Variants in SMU1 observed in about 807,000 individuals in gnomAD.
SMU1 encodes the protein SMU1 DNA replication regulator and spliceosomal factor, also known as WD40 repeat-containing protein SMU1.
A neutral mutation model predicts 62.0 loss-of-function variants in SMU1; 2 were observed. The ratio of observed to expected loss-of-function variants is 0.03; its 90% CI spans 0.01 to 0.10. The LOEUF (loss-of-function observed/expected upper bound fraction) is 0.10. SMU1 is among the 10% of genes least tolerant of loss of function. The pLI is 1.00. For missense variants in SMU1, 227 were observed against 622.1 expected (o/e 0.36, Z 6.76); for synonymous variants, 188 against 212.4 (o/e 0.89, Z 1.00).
In SMU1 at chr9:33,071,869, G is replaced by A. The variant is rs1213890526; in HGVS notation, c.261C>T (p.Leu87=). 6.3e-7 allele frequency: 1 copy of A among 1,580,148 alleles called. No individual in the cohort carries two copies. The highest frequency in any genetic ancestry group is 8.6e-7 in the Non-Finnish European group (1 of 1,168,220). ...GTGACCTGGCAGCACCCAATTCACG[G>A]AGCTCTATCAATTCCAGAACAACCT... ...YEQVVLELIE[L]RELGAARSLL... The change falls in exon 3 of 12, where the codon CTC becomes CTT. Residue 87 remains leucine (L), a synonymous_variant. Transcript: ENST00000397149.
chr9:33,072,286 A>G (rs961961090), intron 2 of SMU1, among the ~76,000 whole-genome samples: 1 of 151,682 alleles, frequency 6.6e-6, no homozygotes, highest in Non-Finnish European at 1.5e-5. Context: ...GCAGTGAGCC[A>G]AGCTCATGCT....
chr9:33,064,949 G>A lies in SMU1; in HGVS notation c.502-2772C>T, dbSNP rs374295071. On this transcript the variant is annotated intron_variant, in intron 4 of 11. Coordinates refer to ENST00000397149, the MANE Select transcript of SMU1 (RefSeq NM_018225.3). ...GTAGACACAAGGTTTCGCCACGTTG[G>A]CCAGGCTGGTCTCCAACTCCTGACC... 9.2e-5 allele frequency among the ~76,000 whole-genome samples: 14 copies of A among 152,186 alleles called. No homozygotes were observed. In the East Asian group the frequency reaches 1.7e-3, roughly 19 times the overall value.
In SMU1 at chr9:33,057,737, T is replaced by C. The variant is rs753973624; in HGVS notation, c.751-23A>G. ...ATCCTAAAGAAACAATGGTTAGCAG[T>C]TATCAAAATAACACAAAGCCAAGAC... On this transcript the variant is annotated intron_variant, in intron 6 of 11. Coordinates refer to ENST00000397149, the MANE Select transcript of SMU1 (RefSeq NM_018225.3). 3 of 1,612,232 alleles carry C rather than the reference T, an allele frequency of 1.9e-6. No individual in the cohort carries two copies. The African/African-American group carries it at 4.0e-5, about 22-fold the overall frequency.
intron 4 of SMU1, among the ~76,000 whole-genome samples, chr9:33,066,505 TA>T (rs35501819): frequency 3.9e-4 from 39 of 100,116 alleles, no homozygotes; most frequent in Admixed American, 1.1e-3. Flanking sequence ...TCCATTTAAT[TA>T]AAAAAAAAAA....
intron 3 of SMU1, among the ~76,000 whole-genome samples, chr9:33,069,487 C>T (rs190440557): frequency 1.3e-5 from 2 of 152,306 alleles, no homozygotes; most frequent in East Asian, 3.9e-4. Flanking sequence ...TTGCAAACTA[C>T]CCATCTGACA....
intron 4 of SMU1, among the ~76,000 whole-genome samples, chr9:33,064,587 T>A (rs774761943): frequency 1.2e-4 from 19 of 152,140 alleles, no homozygotes; most frequent in Non-Finnish European, 2.1e-4. Flanking sequence ...CAGAATTGGG[T>A]TTTTGCACTG....
chr9:33,059,923 T>G (rs993770338), intron 6 of SMU1, among the ~76,000 whole-genome samples: 2 of 152,042 alleles, frequency 1.3e-5, no homozygotes, highest in Non-Finnish European at 1.5e-5. Context: ...GAAAAAAAAT[T>G]TTTTACTTGT....
chr9:33,047,831 C>G (rs1327088647), intron 11 of SMU1, among the ~76,000 whole-genome samples: 2 of 151,990 alleles, frequency 1.3e-5, no homozygotes, highest in Non-Finnish European at 2.9e-5. Flanking sequence ...TGCACTCCAG[C>G]CTGGGTGACA....
intron 9 of SMU1, among the ~76,000 whole-genome samples, chr9:33,055,312 G>A (rs2119429282): frequency 6.6e-6 from 1 of 152,204 alleles, no homozygotes; most frequent in East Asian, 1.9e-4. Flanking sequence ...AAGTAGCTAG[G>A]AATACAGGTA....
intron 1 of SMU1, among the ~76,000 whole-genome samples, chr9:33,076,361 C>T (rs1232090190): frequency 1.3e-5 from 2 of 152,204 alleles, no homozygotes; most frequent in Non-Finnish European, 2.9e-5. Flanking sequence ...GTTTTCCCCA[C>T]CCGTGCCACC....
chr9:33,070,815 A>G (rs542245632), intron 3 of SMU1, among the ~76,000 whole-genome samples: 1 of 152,330 alleles, frequency 6.6e-6, no homozygotes, highest in South Asian at 2.1e-4. Context: ...TATTTGCAGG[A>G]ACTAAAAATT....
intron 3 of SMU1, among the ~76,000 whole-genome samples, chr9:33,070,428 T>C (rs1354511859): frequency 6.6e-6 from 1 of 152,222 alleles, no homozygotes; most frequent in Non-Finnish European, 1.5e-5. Context: ...TCGTACACTA[T>C]TAGTGGGAAT....
chr9:33,063,626 T>G (rs955684608), intron 4 of SMU1, among the ~76,000 whole-genome samples: 1 of 151,958 alleles, frequency 6.6e-6, no homozygotes, highest in African/African-American at 2.4e-5. Context: ...CATTACAGTC[T>G]GAGCTCCACC....
intron 4 of SMU1, among the ~76,000 whole-genome samples, chr9:33,064,174 G>A (rs1839394114): frequency 6.6e-6 from 1 of 151,998 alleles, no homozygotes; most frequent in African/African-American, 2.4e-5. Flanking sequence ...ACAACTCACT[G>A]CAGCCTTGAA....
intron 1 of SMU1, among the ~76,000 whole-genome samples, chr9:33,075,795 T>A (rs1440907392): frequency 6.6e-6 from 1 of 152,210 alleles, no homozygotes; most frequent in Non-Finnish European, 1.5e-5. Flanking sequence ...TTTTTATGTC[T>A]GTTAATTTAA....
At chr9:33,074,796 A>T (rs1030382636) in intron 1 of SMU1, among the ~76,000 whole-genome samples, 2 of 147,044 alleles carry the variant, frequency 1.4e-5, no homozygotes, top group East Asian at 4.1e-4. Context: ...TTTTTGAGAA[A>T]TGGTCACTTG....
chr9:33,053,089 A>AGAAC (rs768699097), intron 10 of SMU1, 34 bp downstream of exon 10: 1,021 of 1,599,278 alleles, frequency 6.4e-4, no homozygotes, highest in Non-Finnish European at 8.2e-4. Flanking sequence ...AATGGCCCAC[A>AGAAC]GTTCCTGTGC....
At chr9:33,060,654 C>G (rs1839351891) in intron 5 of SMU1, 70 bp from the exon 6 acceptor site, 19 of 1,587,164 alleles carry the variant, frequency 1.2e-5, no homozygotes, top group African/African-American at 1.4e-5. Context: ...CTTTTTTAAC[C>G]TTTTGAGAAA....
At position 33,057,021 on chromosome 9, in the gene SMU1, A is replaced by G. The variant is rs1291738499; in HGVS notation, c.868-57T>C. ...AACCTTGTTAAGTGTCCTACTATTA[A>G]TAGCCCACAGAGCCAAGCAAGATGC... On this transcript the variant is annotated intron_variant, in intron 7 of 11. Transcript: ENST00000397149. 1.8e-5 allele frequency: 29 copies of G among 1,568,968 alleles called. No homozygotes were observed. In the East Asian group the frequency reaches 5.8e-4, roughly 32 times the overall value.
Sources: gnomAD v4.1 joint callset for allele counts (sites outside exome capture counted in the v4.1 genomes callset) on GRCh38, gnomAD v4.1.1 for gene constraint, MANE v1.5 for transcripts, NCBI Gene and HGNC (gene_info 2026-07-23, HGNC 2026-07-21) for gene names.